COPS4: variants seen among roughly 807,000 people sequenced by gnomAD.
The protein encoded by COPS4 is COP9 signalosome subunit 4.
A neutral mutation model predicts 55.1 loss-of-function variants in COPS4; 8 were observed. The ratio of observed to expected loss-of-function variants is 0.15; its 90% confidence interval spans 0.09 to 0.26. COPS4 has a LOEUF of 0.26. Ranked by LOEUF, COPS4 falls within the 10% of genes least tolerant of loss-of-function variation. The pLI, the probability that COPS4 is intolerant of heterozygous loss-of-function variation, is 1.00. For missense variants in COPS4, 248 were observed against 484.0 expected, an observed-to-expected ratio of 0.51 and a Z score of 4.58; for synonymous variants, 185 against 165.7, an observed-to-expected ratio of 1.12 and a Z score of -0.90.
chr4:83,039,631 A>G (rs1730508661), intron 1 of COPS4, among the ~76,000 whole-genome samples: 1 of 152,000 alleles, frequency 6.6e-6, no homozygotes, highest in Non-Finnish European at 1.5e-5. Context: ...CTTCAGTTAT[A>G]TCTCTTTATT....
intron 9 of COPS4, among the ~76,000 whole-genome samples, chr4:83,071,379 CCTT>C (rs962427271): frequency 5.9e-5 from 9 of 152,304 alleles, no homozygotes; most frequent in Admixed American, 2.0e-4. Context: ...TCACAACTCT[CCTT>C]CTGGCCTTCC....
chr4:83,070,827 A>C (rs966934154), intron 9 of COPS4, among the ~76,000 whole-genome samples: 3 of 152,252 alleles, frequency 2.0e-5, no homozygotes, highest in Admixed American at 6.5e-5. Flanking sequence ...TCTTTTGTTT[A>C]CACTGTAATG....
At chr4:83,039,769 C>CT (rs1222131338) in intron 1 of COPS4, among the ~76,000 whole-genome samples, 1 of 152,142 alleles carries the variant, frequency 6.6e-6, no homozygotes, top group African/African-American at 2.4e-5. Context: ...GTAGCTGGGA[C>CT]TATAGGCACG....
At position 83,060,295 on chromosome 4, in the gene COPS4, T is replaced by A. The variant is rs1210698338; in HGVS notation, c.716-2781T>A. ...GCCTCCTGGGTTCACGCCATTCTCC[T>A]GCCTCAGCCTCCGGAGTAGCTGGGA... On this transcript the variant is annotated intron_variant, in intron 6 of 9. Coordinates refer to ENST00000264389, the MANE Select transcript of COPS4 (RefSeq NM_016129.3). 2.0e-5 allele frequency among the ~76,000 whole-genome samples: 3 copies of A among 148,352 alleles called. No homozygotes were observed. The South Asian group carries it at 6.5e-4, about 32-fold the overall frequency.
chr4:83,057,226 G>A, intron 5 of COPS4, 32 bp from the exon 6 acceptor site: 1 of 1,558,628 alleles, frequency 6.4e-7, no homozygotes. Flanking sequence ...TTTTTAATTT[G>A]TCCCCTAATT....
chr4:83,068,274 T>C (rs1275894111), intron 8 of COPS4, among the ~76,000 whole-genome samples, 164 bp from the exon 9 acceptor site: 1 of 152,198 alleles, frequency 6.6e-6, no homozygotes, highest in Admixed American at 6.5e-5. Context: ...ACAGCAAGAA[T>C]TGGGAAATAG....
intron 2 of COPS4, among the ~76,000 whole-genome samples, chr4:83,047,257 T>C (rs747931936): frequency 2.0e-5 from 3 of 152,226 alleles, no homozygotes; most frequent in Non-Finnish European, 2.9e-5. Context: ...TGATCTTGGC[T>C]GGGCACGGTG....
At chr4:83,057,432 TAAATG>T (rs1286871558) in intron 6 of COPS4, 24 bp downstream of exon 6, 2 of 1,525,474 alleles carry the variant, frequency 1.3e-6, no homozygotes, top group African/African-American at 2.8e-5. Flanking sequence ...AATTTATACT[TAAATG>T]AACAGTTATC....
chr4:83,069,109 G>C (rs1418506065), intron 9 of COPS4, among the ~76,000 whole-genome samples: 1 of 152,068 alleles, frequency 6.6e-6, no homozygotes, highest in Non-Finnish European at 1.5e-5. Flanking sequence ...CCATGTATCA[G>C]GCATATGGAA....
Position 83,035,201 on chromosome 4 carries a change from A to T in COPS4, c.-24A>T, listed in dbSNP as rs1002193968. On this transcript the variant is annotated 5_prime_UTR_variant, in exon 1 of 10. Transcript: ENST00000264389. ...CTTTTTGGCTGCCAGAGGCCCCCGC[A>T]TCCACCGCTGAGCTGGGAGAAAGAT... 6.5e-7 allele frequency: 1 copy of T among 1,545,354 alleles called. No homozygotes were observed. The highest frequency in any genetic ancestry group is 1.4e-5 in the African/African-American group (1 of 73,276).
At chr4:83,054,711 AAT>A (rs1661783698) in intron 4 of COPS4, among the ~76,000 whole-genome samples, 1 of 152,218 alleles carries the variant, frequency 6.6e-6, no homozygotes, top group African/African-American at 2.4e-5. Flanking sequence ...AGCTGAAACA[AAT>A]ATAAAATTAG....
At chr4:83,072,251 C>T (rs996877249) in intron 9 of COPS4, among the ~76,000 whole-genome samples, 1 of 151,828 alleles carries the variant, frequency 6.6e-6, no homozygotes, top group Non-Finnish European at 1.5e-5. Context: ...CGCTCATGCA[C>T]CACCATGCCC....
chr4:83,045,585 T>C lies in COPS4; in HGVS notation c.75-41T>C, dbSNP rs752037416. 22 of 1,460,586 alleles carry C rather than the reference T, an allele frequency of 1.5e-5. No homozygotes were observed. The South Asian group carries it at 2.3e-4, about 15-fold the overall frequency. The allele number at this position is 1,460,586 out of a possible 1,614,324, so 90.5% of individuals were successfully genotyped here. On this transcript the variant is annotated intron_variant, in intron 1 of 9. Coordinates refer to ENST00000264389, the MANE Select transcript of COPS4 (RefSeq NM_016129.3). ...ACATCAAAGTTTGCATTAGAAAATA[T>C]AGTACCCTCAGAACATTATTTTCAT...
At chr4:83,041,343 G>A (rs570850481) in intron 1 of COPS4, among the ~76,000 whole-genome samples, 127 of 152,096 alleles carry the variant, frequency 8.3e-4, no homozygotes, top group African/African-American at 2.5e-3. Flanking sequence ...GATTACAGGC[G>A]TGAGCCACTG....
rs369894729 is a variant in COPS4 at position 83,062,921 on chromosome 4, C to T, written c.716-155C>T. The T allele has an allele frequency of 3.5e-5, 20 of 567,996 alleles. No homozygotes were observed. In the East Asian group the frequency reaches 5.0e-4, roughly 14 times the overall value. The allele number at this position is 567,996 out of a possible 1,614,324, so 35.2% of individuals were successfully genotyped here. A position where few individuals can be genotyped will look rare whatever the true frequency, so the allele number is the denominator to read the frequency against. ...AGCAGTTTAGTGTTTGATAATTCAG[C>T]GTCGGCAGTGACTGCAGACCATAAT... is the stretch of plus-strand genomic sequence containing the variant. On this transcript the variant is annotated intron_variant, in intron 6 of 9. Transcript: ENST00000264389.
rs369891777 is a variant in COPS4 at position 83,049,188 on chromosome 4, C to T, written c.177C>T (p.Leu59=). The change falls in exon 3 of 10, where the codon CTC becomes CTT. Residue 59 remains leucine (L), a synonymous_variant. Coordinates refer to ENST00000264389, the MANE Select transcript of COPS4 (RefSeq NM_016129.3). ...AAGTGGTAAATGAGAATGTCAGTCT[C>T]GTGATCTCGCGGCAGTTGCTGACTG... is the stretch of plus-strand genomic sequence containing the variant. ...VEAMVNENVS[L]VISRQLLTDF... The T allele has an allele frequency of 7.5e-6, 12 of 1,602,254 alleles. No homozygotes were observed. The highest frequency in any genetic ancestry group is 5.9e-6 in the Non-Finnish European group (7 of 1,176,778).
chr4:83,035,936 T>C (rs763015708), intron 1 of COPS4: 1 of 152,444 alleles, frequency 6.6e-6, no homozygotes, highest in African/African-American at 2.4e-5. Flanking sequence ...GGAATCTGAA[T>C]TTTGTCGAAA....
chr4:83,049,863 G>T lies in COPS4; in HGVS notation c.307-18G>T. The T allele has an allele frequency of 7.2e-7, 1 of 1,392,570 alleles. No homozygotes were observed. Among genetic ancestry groups the T allele is most frequent in the Non-Finnish European group, 1.0e-6 (1 of 1,003,754 alleles). The allele number at this position is 1,392,570 out of a possible 1,614,324, so 86.3% of individuals were successfully genotyped here. A position where few individuals can be genotyped will look rare whatever the true frequency, so the allele number is the denominator to read the frequency against. ...AATGTCAGTTGAAATAATTTGACAT[G>T]TATACCTATTATTCCAGGTTGCTTC... On this transcript the variant is annotated intron_variant, in intron 3 of 9. Transcript: ENST00000264389.
intron 6 of COPS4, 194 bp from the exon 7 acceptor site, chr4:83,062,882 A>G (rs1731196393): frequency 4.5e-6 from 2 of 442,292 alleles, no homozygotes; most frequent in Middle Eastern, 5.8e-4. Context: ...CTAGCTTTGT[A>G]TTCCCATAGG....
Sources: allele counts gnomAD v4.1 joint callset (sites outside exome capture counted in the v4.1 genomes callset), GRCh38; gene constraint gnomAD v4.1.1; transcripts MANE v1.5; gene names NCBI Gene and HGNC (gene_info 2026-07-23, HGNC 2026-07-21).